PLEKHG7: variants seen among roughly 807,000 people sequenced by gnomAD.
PLEKHG7 encodes pleckstrin homology domain-containing family G member 7.
Under a neutral mutation model 85.2 loss-of-function variants are expected in PLEKHG7, and 77 were observed. That is an observed-to-expected ratio of 0.90 (90% CI 0.75 to 1.09). PLEKHG7 has a LOEUF of 1.09. Ranked by LOEUF, PLEKHG7 falls within the 50% of genes least tolerant of loss-of-function variation. The pLI is 0.00. For missense variants in PLEKHG7, 777 were observed against 804.3 expected (o/e 0.97, Z 0.41); for synonymous variants, 301 against 302.4 (o/e 1.00, Z 0.05).
intron 10 of PLEKHG7, chr12:92,749,519 A>C (rs1326695609): frequency 6.6e-6 from 1 of 152,148 alleles, no homozygotes; most frequent in African/African-American, 2.4e-5. Context: ...CAAACTCCTA[A>C]GTTCAAGCAA....
At position 92,762,479 on chromosome 12, in the gene PLEKHG7, C is replaced by T. The variant is rs1247938531; in HGVS notation, c.1716+648C>T. 2.8e-4 allele frequency among the ~76,000 whole-genome samples: 43 copies of T among 152,176 alleles called. 2 individuals carry two copies. The highest frequency in any genetic ancestry group is 2.4e-3 in the Admixed American group (36 of 15,276). ...CTATAGGGAATAGGGATTTTTTTCA[C>T]GTTACTTAAGTATTATTTGTTACTG... On this transcript the variant is annotated intron_variant, in intron 14 of 16. Coordinates refer to ENST00000344636, the MANE Select transcript of PLEKHG7 (RefSeq NM_001377329.1).
chr12:92,767,852 T>A (rs1873253576), intron 15 of PLEKHG7, among the ~76,000 whole-genome samples: 1 of 152,162 alleles, frequency 6.6e-6, no homozygotes. Flanking sequence ...AAGTACTTGA[T>A]GTGGGCAGGA....
At position 92,755,899 on chromosome 12, in the gene PLEKHG7, C is replaced by T. The variant is rs1416804845; in HGVS notation, c.1501C>T (p.Pro501Ser). ...ATATCTACAGGAGATTATAGTGTGG[C>T]CACCGCTTTGGGATAGAGATAAAAG... ...FRYLQEIIVW[P>S]PLWDRDKRFF... Residue 501 changes from proline to serine, a missense_variant, in exon 12 of 17, where the codon CCA (proline) becomes TCA (serine). By Grantham distance (74) the Pro-to-Ser change is moderately conservative. This residue lies in a region of PLEKHG7 where 520 missense variants were observed against 544.0 expected (regional missense o/e 0.96). Transcript: ENST00000344636. 6.2e-7 allele frequency: 1 copy of T among 1,613,374 alleles called. No individual in the cohort carries two copies. The highest frequency in any genetic ancestry group is 1.3e-5 in the African/African-American group (1 of 74,950).
Position 92,770,816 on chromosome 12 carries a change from T to C in PLEKHG7, c.*621T>C, listed in dbSNP as rs190595425. ...AGAAAATCCCAAAGACTAAATTCCA[T>C]TACTTTAAGATAGGAAGAAAAAAAA... is the stretch of plus-strand genomic sequence containing the variant. On this transcript the variant is annotated 3_prime_UTR_variant, in exon 17 of 17. Coordinates refer to ENST00000344636, the MANE Select transcript of PLEKHG7 (RefSeq NM_001377329.1). 5.4e-5 allele frequency: 8 copies of C among 147,410 alleles called. No homozygotes were observed. In the East Asian group the frequency reaches 1.5e-3, roughly 28 times the overall value. The allele number at this position is 147,410 out of a possible 1,614,324, so 9.1% of individuals were successfully genotyped here.
chr12:92,707,471 C>T (rs563285154), intron 2 of PLEKHG7, 179 bp from the exon 3 acceptor site: 63 of 1,446,754 alleles, frequency 4.4e-5, no homozygotes, highest in Middle Eastern at 2.5e-4. Flanking sequence ...TTAAAGACAA[C>T]GTCGTGTCAC....
chr12:92,723,012 G>A (rs1871689304), intron 3 of PLEKHG7, among the ~76,000 whole-genome samples: 1 of 134,368 alleles, frequency 7.4e-6, no homozygotes, highest in Non-Finnish European at 1.7e-5. Context: ...GATTTATGGA[G>A]GAGGAGTGTC....
chr12:92,726,866 G>T (rs1448318555), intron 3 of PLEKHG7, among the ~76,000 whole-genome samples: 2 of 152,214 alleles, frequency 1.3e-5, no homozygotes, highest in Non-Finnish European at 2.9e-5. Flanking sequence ...AAAAATAAAA[G>T]TAGCTGACTT....
At chr12:92,768,177 A>C (rs1213355447) in intron 15 of PLEKHG7, among the ~76,000 whole-genome samples, 5 of 152,024 alleles carry the variant, frequency 3.3e-5, no homozygotes, top group Non-Finnish European at 5.9e-5. Flanking sequence ...ACTGCACTCC[A>C]GCCCGGGCGA....
chr12:92,746,030 G>T (rs1203336801), intron 10 of PLEKHG7, among the ~76,000 whole-genome samples: 1 of 152,164 alleles, frequency 6.6e-6, no homozygotes, highest in African/African-American at 2.4e-5. Context: ...AGAGTATAAA[G>T]CACAATGTCA....
intron 13 of PLEKHG7, 129 bp downstream of exon 13, chr12:92,756,520 G>A: frequency 1.4e-6 from 1 of 730,138 alleles, no homozygotes; most frequent in Non-Finnish European, 2.4e-6. Flanking sequence ...GTGAATGAGA[G>A]AGTCCCTATG....
At chr12:92,754,825 A>C (rs1421990582) in intron 11 of PLEKHG7, among the ~76,000 whole-genome samples, 3 of 152,204 alleles carry the variant, frequency 2.0e-5, no homozygotes, top group African/African-American at 7.2e-5. Flanking sequence ...ATTTATGCCC[A>C]AAAACCAAGA....
At chr12:92,725,455 G>A (rs1388949395) in intron 3 of PLEKHG7, among the ~76,000 whole-genome samples, 1 of 152,138 alleles carries the variant, frequency 6.6e-6, no homozygotes, top group Non-Finnish European at 1.5e-5. Flanking sequence ...GAATCAAGGA[G>A]ATAAAAAGGA....
chr12:92,752,641 G>A (rs1246659469), intron 10 of PLEKHG7, among the ~76,000 whole-genome samples: 2 of 152,214 alleles, frequency 1.3e-5, no homozygotes, highest in East Asian at 3.8e-4. Context: ...GGGTCACAAG[G>A]CAAAGGATTT....
chr12:92,756,541 G>C, intron 13 of PLEKHG7, 150 bp downstream of exon 13: 1 of 660,272 alleles, frequency 1.5e-6, no homozygotes, highest in South Asian at 1.9e-5. Flanking sequence ...GAGTCACACA[G>C]ACTCAGGCTT....
At chr12:92,754,943 A>G (rs1872785733) in intron 11 of PLEKHG7, among the ~76,000 whole-genome samples, 1 of 152,074 alleles carries the variant, frequency 6.6e-6, no homozygotes, top group Non-Finnish European at 1.5e-5. Flanking sequence ...CCTGAAACAG[A>G]TGCTTTAAAA....
At chr12:92,759,743 G>A (rs2136627312) in intron 13 of PLEKHG7, among the ~76,000 whole-genome samples, 1 of 152,296 alleles carries the variant, frequency 6.6e-6, no homozygotes, top group South Asian at 2.1e-4. Context: ...CCAGAACTGT[G>A]AGAAATAAAT....
chr12:92,721,307 G>A (rs1254250953), intron 3 of PLEKHG7, among the ~76,000 whole-genome samples: 1 of 152,190 alleles, frequency 6.6e-6, no homozygotes, highest in Non-Finnish European at 1.5e-5. Flanking sequence ...GTTGAGTGCT[G>A]ACACATGGGT....
chr12:92,731,507 C>T (rs187206629), intron 4 of PLEKHG7, among the ~76,000 whole-genome samples: 3 of 152,272 alleles, frequency 2.0e-5, no homozygotes, highest in Admixed American at 2.0e-4. Flanking sequence ...TCAGAACATG[C>T]CACCCACACC....
rs769279811 is a variant in PLEKHG7 at position 92,740,943 on chromosome 12, A to C, written c.1030A>C (p.Thr344Pro). Residue 344 changes from threonine (T) to proline (P), a missense_variant, in exon 8 of 17, where the codon ACT becomes CCT. By Grantham distance (38) the Thr-to-Pro change is conservative (BLOSUM62 -1). Coordinates refer to ENST00000344636, the MANE Select transcript of PLEKHG7 (RefSeq NM_001377329.1). ...ACTTTTTGCAAACCTGGAGGAGTTA[A>C]CTCAGGTGAGCCAAGTAGGAAGATT... Reference protein sequence around the residue: ...WRLFANLEELTQTSLGFVNSL... With the variant: ...WRLFANLEELPQTSLGFVNSL... The C allele has an allele frequency of 7.5e-6, 12 of 1,602,788 alleles. No individual in the cohort carries two copies. The highest frequency in any genetic ancestry group is 1.0e-5 in the Non-Finnish European group (12 of 1,170,506).
Sources: allele counts gnomAD v4.1 joint callset (sites outside exome capture counted in the v4.1 genomes callset), GRCh38; gene constraint gnomAD v4.1.1; regional missense constraint gnomAD v4.1.1; transcripts MANE v1.5; gene names NCBI Gene and HGNC (gene_info 2026-07-23, HGNC 2026-07-21).